The following DCC variants were observed in gnomAD, a reference collection of about 807,000 sequenced individuals.
DCC encodes the protein netrin receptor DCC.
Under a neutral mutation model 172.5 loss-of-function variants are expected in DCC, and 58 were observed. The observed-to-expected ratio is 0.34, with a 90% CI of 0.27 to 0.42. The LOEUF (loss-of-function observed/expected upper bound fraction) is 0.42, where lower values mean the gene tolerates loss of function less well. Among genes scored for constraint, DCC ranks in the 10% least tolerant of loss-of-function variants. The probability of loss-of-function intolerance (pLI) is 1.00; values close to 1 mark genes in which losing one functional copy is unlikely to be tolerated. For missense variants in DCC, 1,740 were observed against 1,791.0 expected (o/e 0.97, Z 0.51); for synonymous variants, 709 against 644.5 (o/e 1.10, Z -1.52).
chr18:52,593,121 A>C (rs1018755932), intron 1 of DCC, among the ~76,000 whole-genome samples: 1 of 152,188 alleles, frequency 6.6e-6, no homozygotes, highest in African/African-American at 2.4e-5. Context: ...GTATGTATTT[A>C]CATCATCTTC....
intron 11 of DCC, among the ~76,000 whole-genome samples, chr18:53,210,068 C>T (rs1040951818): frequency 6.6e-6 from 1 of 152,182 alleles, no homozygotes; most frequent in African/African-American, 2.4e-5. Flanking sequence ...ACTTTATAAG[C>T]TTCTTAGAGT....
At chr18:53,127,778 A>G (rs575484011) in intron 7 of DCC, among the ~76,000 whole-genome samples, 4 of 152,276 alleles carry the variant, frequency 2.6e-5, no homozygotes, top group South Asian at 2.1e-4. Flanking sequence ...CAAGCTGCAC[A>G]GTGAAAACAC....
intron 12 of DCC, among the ~76,000 whole-genome samples, chr18:53,234,098 A>G (rs2056163921): frequency 1.3e-5 from 2 of 152,094 alleles, no homozygotes; most frequent in Admixed American, 1.3e-4. Flanking sequence ...TAAAAATACA[A>G]AATTATCTGG....
chr18:52,937,313 G>A (rs1272171216), intron 5 of DCC, among the ~76,000 whole-genome samples: 3 of 152,060 alleles, frequency 2.0e-5, no homozygotes, highest in Non-Finnish European at 2.9e-5. Context: ...TATTAGGTTG[G>A]TGCAAAAGTA....
At chr18:52,422,449 C>A (rs1205446405) in intron 1 of DCC, among the ~76,000 whole-genome samples, 1 of 152,132 alleles carries the variant, frequency 6.6e-6, no homozygotes, top group Non-Finnish European at 1.5e-5. Context: ...CAGAGAAGAG[C>A]CTGTGACATT....
intron 22 of DCC, among the ~76,000 whole-genome samples, chr18:53,443,096 T>C (rs1395335693): frequency 6.6e-6 from 1 of 152,192 alleles, no homozygotes; most frequent in Non-Finnish European, 1.5e-5. Flanking sequence ...TTGATGAAGG[T>C]GGCTGCACTA....
At chr18:52,787,880 T>TA (rs2037688499) in intron 2 of DCC, among the ~76,000 whole-genome samples, 1 of 152,164 alleles carries the variant, frequency 6.6e-6, no homozygotes, top group Non-Finnish European at 1.5e-5. Context: ...GCCAAATTTT[T>TA]ACCCTTGCAT....
At chr18:53,083,641 T>G (rs924777599) in intron 7 of DCC, among the ~76,000 whole-genome samples, 1 of 152,120 alleles carries the variant, frequency 6.6e-6, no homozygotes, top group Admixed American at 6.6e-5. Context: ...TTTCAAGACC[T>G]ACAAATACAA....
intron 7 of DCC, among the ~76,000 whole-genome samples, chr18:53,119,546 A>C (rs2043453986): frequency 6.6e-6 from 1 of 151,900 alleles, no homozygotes. Context: ...ACAGATTTTA[A>C]CTGGCAGATT....
At chr18:53,238,154 G>T (rs1029584062) in intron 12 of DCC, among the ~76,000 whole-genome samples, 57 of 152,208 alleles carry the variant, frequency 3.7e-4, no homozygotes, top group African/African-American at 1.2e-3. Flanking sequence ...CATGACAGCT[G>T]TTTTTACTTA....
intron 2 of DCC, among the ~76,000 whole-genome samples, chr18:52,776,037 T>C (rs1411255351): frequency 1.3e-5 from 2 of 152,214 alleles, no homozygotes; most frequent in Admixed American, 1.3e-4. Flanking sequence ...AGTTGGATAC[T>C]GACTTTCTCC....
intron 19 of DCC, among the ~76,000 whole-genome samples, 192 bp from the exon 20 acceptor site, chr18:53,410,260 C>T (rs72933440): frequency 1.3e-5 from 2 of 152,012 alleles, no homozygotes; most frequent in South Asian, 2.1e-4. Flanking sequence ...TTTTCTGATT[C>T]TGTACATTGC....
chr18:52,629,115 T>G (rs1325147731), intron 1 of DCC, among the ~76,000 whole-genome samples: 1 of 152,238 alleles, frequency 6.6e-6, no homozygotes. Flanking sequence ...TTTCAAGAAC[T>G]GGAAGAAATT....
intron 9 of DCC, among the ~76,000 whole-genome samples, chr18:53,190,413 G>A (rs1195217443): frequency 2.0e-5 from 3 of 151,984 alleles, no homozygotes; most frequent in Admixed American, 1.3e-4. Flanking sequence ...TAGTGTCAGA[G>A]CCAGAGTTTG....
intron 1 of DCC, among the ~76,000 whole-genome samples, chr18:52,471,416 C>T (rs1988941855): frequency 6.6e-6 from 1 of 152,194 alleles, no homozygotes; most frequent in Admixed American, 6.5e-5. Context: ...CCTTTTTCAT[C>T]AGTTTGTATC....
chr18:52,836,037 CCTT>C (rs1275820075), intron 2 of DCC, among the ~76,000 whole-genome samples: 2 of 152,116 alleles, frequency 1.3e-5, no homozygotes, highest in South Asian at 2.1e-4. Context: ...GCAAACATGT[CCTT>C]CTTCACATGG....
At chr18:52,555,226 G>A (rs1163796815) in intron 1 of DCC, among the ~76,000 whole-genome samples, 1 of 152,190 alleles carries the variant, frequency 6.6e-6, no homozygotes, top group East Asian at 1.9e-4. Context: ...TTTAGATATC[G>A]TCTAAAAGTT....
intron 7 of DCC, among the ~76,000 whole-genome samples, chr18:53,083,301 C>T (rs4281791): frequency 0.04 from 6,037 of 152,078 alleles, 375 homozygotes; most frequent in African/African-American, 0.13. Context: ...TCCAGGTATC[C>T]TTGGGAAAGA....
chr18:53,084,124 C>T (rs1315593147), intron 7 of DCC, among the ~76,000 whole-genome samples: 1 of 152,174 alleles, frequency 6.6e-6, no homozygotes, highest in Non-Finnish European at 1.5e-5. Flanking sequence ...TAGGAGCTGG[C>T]TCTGGTAAAG....
Sources: allele counts gnomAD v4.1 joint callset (sites outside exome capture counted in the v4.1 genomes callset), GRCh38; gene constraint gnomAD v4.1.1; transcripts MANE v1.5; gene names NCBI Gene and HGNC (gene_info 2026-07-23, HGNC 2026-07-21).